PTN: variants seen among roughly 807,000 people sequenced by gnomAD.
PTN encodes heparin affin regulatory protein.
In PTN, 18 loss-of-function variants were observed where a neutral mutation model predicts 24.1. That is an observed-to-expected ratio of 0.75 (90% CI 0.52 to 1.11). The LOEUF is 1.11. Among genes scored for constraint, PTN ranks in the 50% least tolerant of loss-of-function variants. The probability of loss-of-function intolerance (pLI) is 0.00; values close to 1 mark genes in which losing one functional copy is unlikely to be tolerated. For missense variants in PTN, 163 were observed against 198.8 expected, an observed-to-expected ratio of 0.82 and a Z score of 1.08; for synonymous variants, 78 against 68.6, an observed-to-expected ratio of 1.14 and a Z score of -0.67.
chr7:137,283,193 T>C (rs971712453), intron 1 of PTN, among the ~76,000 whole-genome samples: 2 of 152,084 alleles, frequency 1.3e-5, no homozygotes, highest in Non-Finnish European at 2.9e-5. Flanking sequence ...TTGGTTTAGC[T>C]GGCAAAAAAA....
chr7:137,341,023 G>C (rs147934906), intron 1 of PTN, among the ~76,000 whole-genome samples: 2 of 152,090 alleles, frequency 1.3e-5, no homozygotes, highest in African/African-American at 4.8e-5. Context: ...CATTTTCAAC[G>C]AGCCGGGTAA....
chr7:137,321,485 A>C (rs2128881192), intron 1 of PTN, among the ~76,000 whole-genome samples: 1 of 152,278 alleles, frequency 6.6e-6, no homozygotes, highest in Middle Eastern at 3.4e-3. Context: ...ATTAGTGGCA[A>C]TATTTCTTCT....
chr7:137,263,808 G>A (rs534387720), intron 1 of PTN, among the ~76,000 whole-genome samples: 1 of 152,106 alleles, frequency 6.6e-6, no homozygotes, highest in Admixed American at 6.5e-5. Context: ...AGGCAGCTTA[G>A]CGTAGGTTCT....
chr7:137,228,713 T>C (rs1808377583), intron 4 of PTN, among the ~76,000 whole-genome samples: 1 of 151,840 alleles, frequency 6.6e-6, no homozygotes, highest in African/African-American at 2.4e-5. Flanking sequence ...CAACATAGGC[T>C]GTAGGAAAGT....
chr7:137,269,622 C>CTTTTTTTTT (rs1194863462), intron 1 of PTN, among the ~76,000 whole-genome samples: 2 of 106,058 alleles, frequency 1.9e-5, no homozygotes, highest in African/African-American at 9.0e-5. Context: ...GCTGCTTCAT[C>CTTTTTTTTT]TATTTTTTTT....
chr7:137,342,772 T>G (rs1810555986), intron 1 of PTN, among the ~76,000 whole-genome samples: 2 of 152,198 alleles, frequency 1.3e-5, no homozygotes, highest in Non-Finnish European at 2.9e-5. Context: ...GTCTATGTAC[T>G]GGGCAGTTCT....
chr7:137,258,551 TA>T (rs1808975864), intron 1 of PTN, among the ~76,000 whole-genome samples: 1 of 152,096 alleles, frequency 6.6e-6, no homozygotes, highest in Non-Finnish European at 1.5e-5. Context: ...TGTTTCTGGG[TA>T]GAGAAAATGA....
intron 4 of PTN, among the ~76,000 whole-genome samples, chr7:137,229,048 T>A (rs1485054117): frequency 6.6e-6 from 1 of 151,848 alleles, no homozygotes; most frequent in African/African-American, 2.4e-5. Context: ...TATTTGTTTC[T>A]TAGATTACTC....
At chr7:137,317,731 T>C (rs764522083) in intron 1 of PTN, among the ~76,000 whole-genome samples, 1 of 152,178 alleles carries the variant, frequency 6.6e-6, no homozygotes, top group Non-Finnish European at 1.5e-5. Flanking sequence ...TAAACAATAC[T>C]GCATTGTAGA....
intron 1 of PTN, among the ~76,000 whole-genome samples, chr7:137,272,710 TTC>T (rs1809295065): frequency 6.6e-6 from 1 of 152,216 alleles, no homozygotes; most frequent in Non-Finnish European, 1.5e-5. Context: ...AAGGAGCTAT[TTC>T]TCTCTAAAAA....
At chr7:137,251,539 T>C (rs938672928) in intron 3 of PTN, 148 bp from the exon 4 acceptor site, 4 of 880,236 alleles carry the variant, frequency 4.5e-6, no homozygotes, top group Non-Finnish European at 6.9e-6. Flanking sequence ...AGTGTATGCG[T>C]GTGTATTGAT....
At chr7:137,262,335 A>G (rs560890213) in intron 1 of PTN, among the ~76,000 whole-genome samples, 45 of 151,974 alleles carry the variant, frequency 3.0e-4, no homozygotes, top group African/African-American at 1.1e-3. Context: ...TGTTTATTCA[A>G]TCTTGTGTCC....
chr7:137,319,120 A>G (rs968089383), intron 1 of PTN, among the ~76,000 whole-genome samples: 35 of 152,176 alleles, frequency 2.3e-4, no homozygotes, highest in African/African-American at 8.2e-4. Flanking sequence ...GTCGCTGACT[A>G]CTTGAGTTCT....
At chr7:137,324,287 CGGAACG>C (rs1810213882) in intron 1 of PTN, among the ~76,000 whole-genome samples, 1 of 151,070 alleles carries the variant, frequency 6.6e-6, no homozygotes, top group African/African-American at 2.4e-5. Context: ...CTCAGCTACT[CGGAACG>C]TGGAGAAAGA....
chr7:137,242,154 T>C (rs571883841), intron 4 of PTN, among the ~76,000 whole-genome samples: 2 of 152,310 alleles, frequency 1.3e-5, no homozygotes, highest in East Asian at 3.9e-4. Context: ...TGACCCCTTT[T>C]TTCCCATTTA....
chr7:137,229,335 T>C (rs1808389458), intron 4 of PTN, among the ~76,000 whole-genome samples: 1 of 151,746 alleles, frequency 6.6e-6, no homozygotes, highest in Non-Finnish European at 1.5e-5. Context: ...ACAAAAACAA[T>C]GACCAACAGG....
intron 4 of PTN, among the ~76,000 whole-genome samples, chr7:137,231,127 G>T (rs1442061040): frequency 2.0e-5 from 3 of 151,848 alleles, no homozygotes; most frequent in African/African-American, 4.8e-5. Context: ...CAAAATACAA[G>T]CTGCGAGAGG....
chr7:137,316,102 T>C (rs1358248462), intron 1 of PTN, among the ~76,000 whole-genome samples: 1 of 152,180 alleles, frequency 6.6e-6, no homozygotes, highest in Admixed American at 6.5e-5. Flanking sequence ...ATCCTCAGGC[T>C]CCACTGAATA....
chr7:137,340,176 A>G (rs1263672170), intron 1 of PTN, among the ~76,000 whole-genome samples: 2 of 152,212 alleles, frequency 1.3e-5, no homozygotes, highest in Non-Finnish European at 2.9e-5. Context: ...TGAAGGAGTC[A>G]TTGTATTCCT....
Sources: allele counts gnomAD v4.1 joint callset (sites outside exome capture counted in the v4.1 genomes callset), GRCh38; gene constraint gnomAD v4.1.1; transcripts MANE v1.5; gene names NCBI Gene and HGNC (gene_info 2026-07-23, HGNC 2026-07-21).